The following CAPN13 variants were observed in gnomAD, a reference collection of about 807,000 sequenced individuals.
The protein encoded by CAPN13 is calpain 13.
In CAPN13, 90 loss-of-function variants were observed where a neutral mutation model predicts 98.4. The observed-to-expected ratio is 0.92, with a 90% CI of 0.77 to 1.09. CAPN13 has a LOEUF of 1.09. CAPN13 is among the 50% of genes least tolerant of loss of function. The probability of loss-of-function intolerance (pLI) is 0.00; values close to 1 mark genes in which losing one functional copy is unlikely to be tolerated. For synonymous variants in CAPN13, 330 were observed against 305.5 expected (o/e 1.08, Z -0.84); for missense variants, 887 against 841.3 (o/e 1.05, Z -0.67).
In CAPN13 at chr2:30,787,187, T is replaced by G; in HGVS notation, c.139A>C (p.Ile47Leu). Reference sequence around the variant, plus strand: ...TTTTCCTGGAGCAGCTTCTGGCCTATGGAAGAATCTGCTGCAGGGAATGTC... The same window carrying G: ...TTTTCCTGGAGCAGCTTCTGGCCTAGGGAAGAATCTGCTGCAGGGAATGTC... ...DETFPAADSS[I>L]GQKLLQEKRL... Residue 47 changes from isoleucine (I) to leucine (L), a missense_variant, in exon 2 of 23, where the codon ATA becomes CTA. Transcript: ENST00000295055. 5 of 1,598,190 alleles carry G rather than the reference T, an allele frequency of 3.1e-6. No homozygotes were observed. The highest frequency in any genetic ancestry group is 4.3e-6 in the Non-Finnish European group (5 of 1,172,298).
intron 17 of CAPN13, 109 bp downstream of exon 17, chr2:30,738,126 G>C: frequency 8.7e-7 from 1 of 1,155,142 alleles, no homozygotes; most frequent in Non-Finnish European, 1.3e-6. Flanking sequence ...GGGAAGAAGA[G>C]AAAATACTGA....
intron 8 of CAPN13, 51 bp from the exon 9 acceptor site, chr2:30,754,415 C>G (rs1163274336): frequency 1.3e-6 from 2 of 1,514,320 alleles, no homozygotes; most frequent in African/African-American, 1.4e-5. Context: ...TGCATTTTTT[C>G]TCAACCATGT....
intron 3 of CAPN13, among the ~76,000 whole-genome samples, chr2:30,776,819 C>A (rs1299529410): frequency 1.3e-5 from 2 of 152,276 alleles, no homozygotes; most frequent in East Asian, 3.9e-4. Flanking sequence ...AGTACAGAAG[C>A]CACAAAGATG....
intron 1 of CAPN13, among the ~76,000 whole-genome samples, chr2:30,802,094 G>A (rs1189883584): frequency 6.6e-6 from 1 of 152,160 alleles, no homozygotes; most frequent in African/African-American, 2.4e-5. Flanking sequence ...GGCCATTCTG[G>A]GTCTCTCAGG....
intron 15 of CAPN13, among the ~76,000 whole-genome samples, chr2:30,741,142 C>T (rs1022012902): frequency 3.9e-5 from 6 of 152,136 alleles, no homozygotes; most frequent in African/African-American, 1.2e-4. Flanking sequence ...CATGGAGGTC[C>T]GTGTTCCTGT....
Position 30,777,547 on chromosome 2 carries a change from G to A in CAPN13, c.271+20C>T, listed in dbSNP as rs1323437304. On this transcript the variant is annotated intron_variant, in intron 3 of 22. Transcript: ENST00000295055. The stretch of plus-strand genomic sequence containing the variant: ...ACCACTTCCTATCCAGGGCACGGAG[G>A]GAAGATGTTGCACTCTTACCTGCGC... The A allele has an allele frequency of 9.6e-6, 15 of 1,560,326 alleles. No homozygotes were observed. In the Admixed American group the frequency reaches 1.5e-4, roughly 16 times the overall value.
At chr2:30,806,050 G>C (rs150035261) in intron 1 of CAPN13, 2 of 152,302 alleles carry the variant, frequency 1.3e-5, no homozygotes, top group East Asian at 3.9e-4. Context: ...AAAGTGTTGA[G>C]ATTACAGGTG....
chr2:30,800,094 AAAAG>A (rs1250368065), intron 1 of CAPN13, among the ~76,000 whole-genome samples: 6 of 140,174 alleles, frequency 4.3e-5, no homozygotes, highest in East Asian at 2.2e-4. Flanking sequence ...AGAAAGAAAG[AAAAG>A]AAAGAAAGAA....
At position 30,787,166 on chromosome 2, in the gene CAPN13, C is replaced by T. The variant is rs535176898; in HGVS notation, c.160G>A (p.Glu54Lys). The T allele has an allele frequency of 3.8e-6, 6 of 1,583,040 alleles. No individual in the cohort carries two copies. The African/African-American group carries it at 8.1e-5, about 21-fold the overall frequency. The stretch of plus-strand genomic sequence containing the variant: ...CATATCACATTGGAGAGGCGTTTTT[C>T]CTGGAGCAGCTTCTGGCCTATGGAA... ...DSSIGQKLLQ[E>K]KRLSNVIWKR... The change falls in exon 2 of 23, where the codon GAA becomes AAA. Residue 54 changes from glutamate to lysine, a missense_variant. By Grantham distance (56) the Glu-to-Lys change is moderately conservative. Coordinates refer to ENST00000295055, the MANE Select transcript of CAPN13 (RefSeq NM_144575.3).
At chr2:30,770,925 AG>A (rs1035110134) in intron 4 of CAPN13, among the ~76,000 whole-genome samples, 2 of 152,216 alleles carry the variant, frequency 1.3e-5, no homozygotes, top group Admixed American at 6.5e-5. Flanking sequence ...GCAGGGAGAC[AG>A]GGAAGGTATC....
chr2:30,750,616 C>G (rs774754296), intron 11 of CAPN13, among the ~76,000 whole-genome samples: 1 of 152,166 alleles, frequency 6.6e-6, no homozygotes, highest in Non-Finnish European at 1.5e-5. Context: ...TGGATTTATA[C>G]TCAGAATAGT....
intron 11 of CAPN13, among the ~76,000 whole-genome samples, chr2:30,747,347 C>G (rs746492969): frequency 6.6e-6 from 1 of 152,200 alleles, no homozygotes; most frequent in Non-Finnish European, 1.5e-5. Context: ...TAGTCAAGCC[C>G]TGTCACCACC....
intron 21 of CAPN13, among the ~76,000 whole-genome samples, chr2:30,730,989 C>A (rs545966663): frequency 6.6e-6 from 1 of 152,072 alleles, no homozygotes; most frequent in African/African-American, 2.4e-5. Context: ...GGCAGTGAGA[C>A]GTATATATCT....
intron 18 of CAPN13, among the ~76,000 whole-genome samples, chr2:30,734,780 T>C (rs901309241): frequency 2.0e-5 from 3 of 152,120 alleles, no homozygotes; most frequent in Admixed American, 6.5e-5. Flanking sequence ...CATAGGGCAG[T>C]TTTCTACTTT....
intron 11 of CAPN13, chr2:30,746,394 A>G (rs1305392168): frequency 6.5e-6 from 1 of 153,990 alleles, no homozygotes; most frequent in Non-Finnish European, 1.4e-5. Flanking sequence ...TAAAGCTGTA[A>G]GCAGACATGA....
chr2:30,740,099 T>TG (rs1558615125), intron 15 of CAPN13, among the ~76,000 whole-genome samples: 29 of 145,180 alleles, frequency 2.0e-4, no homozygotes, highest in African/African-American at 7.0e-4. Context: ...TTTTTTTTTT[T>TG]TTTTTTTTTT....
At chr2:30,789,609 C>T (rs1674501222) in intron 1 of CAPN13, among the ~76,000 whole-genome samples, 1 of 152,184 alleles carries the variant, frequency 6.6e-6, no homozygotes, top group Admixed American at 6.5e-5. Context: ...TAGGAATTCC[C>T]ATTCTAAGAT....
chr2:30,754,501 G>T, intron 8 of CAPN13, 137 bp from the exon 9 acceptor site: 1 of 597,094 alleles, frequency 1.7e-6, no homozygotes, highest in Non-Finnish European at 2.7e-6. Context: ...ACCTAGGACA[G>T]GACCCAGTTA....
chr2:30,763,035 G>T, intron 7 of CAPN13, 47 bp downstream of exon 7: 1 of 1,475,710 alleles, frequency 6.8e-7, no homozygotes, highest in South Asian at 1.2e-5. Flanking sequence ...CAAGAACACT[G>T]GGGCAGAGGC....
Sources: allele counts gnomAD v4.1 joint callset (sites outside exome capture counted in the v4.1 genomes callset), GRCh38; gene constraint gnomAD v4.1.1; transcripts MANE v1.5; gene names NCBI Gene and HGNC (gene_info 2026-07-23, HGNC 2026-07-21).